KLHL32: variants seen among roughly 807,000 people sequenced by gnomAD.
KLHL32 encodes the protein kelch-like protein 32.
Under a neutral mutation model 64.8 loss-of-function variants are expected in KLHL32, and 35 were observed. The ratio of observed to expected loss-of-function variants is 0.54; its 90% CI spans 0.41 to 0.72. The LOEUF is 0.72. Ranked by LOEUF, KLHL32 falls within the 30% of genes least tolerant of loss-of-function variation. KLHL32 has a pLI of 0.00. For missense variants in KLHL32, 589 were observed against 768.5 expected (o/e 0.77, Z 2.76); for synonymous variants, 259 against 281.0 (o/e 0.92, Z 0.78).
At chr6:97,096,208 C>T (rs147495988) in intron 6 of KLHL32, among the ~76,000 whole-genome samples, 441 of 152,292 alleles carry the variant, frequency 2.9e-3, no homozygotes, top group African/African-American at 0.01. Flanking sequence ...ACCTTGGATT[C>T]TGAGCCAACA....
intron 6 of KLHL32, among the ~76,000 whole-genome samples, chr6:97,094,417 A>C (rs1252807022): frequency 1.3e-5 from 2 of 152,204 alleles, no homozygotes; most frequent in Non-Finnish European, 2.9e-5. Context: ...CTTCTGCTAC[A>C]AGGAAAAATA....
chr6:96,920,991 T>G (rs1161252883), upstream of KLHL32, among the ~76,000 whole-genome samples: 1 of 152,200 alleles, frequency 6.6e-6, no homozygotes, highest in Non-Finnish European at 1.5e-5. Context: ...TCCAAAATAT[T>G]TTTTTGACTT....
the KLHL32 span, among the ~76,000 whole-genome samples, chr6:96,916,557 A>G: frequency 6.6e-6 from 1 of 151,980 alleles, no homozygotes; most frequent in African/African-American, 2.4e-5. Flanking sequence ...GTAATTTATC[A>G]CCCTCTGTTA....
chr6:96,924,406 A>T (rs1477895210), upstream of KLHL32, among the ~76,000 whole-genome samples: 2 of 105,838 alleles, frequency 1.9e-5, no homozygotes, highest in Non-Finnish European at 3.7e-5. Context: ...AGCGAGGAGG[A>T]GGGCGGCGTG....
chr6:97,079,745 A>G (rs1792194242), intron 5 of KLHL32, among the ~76,000 whole-genome samples: 2 of 152,218 alleles, frequency 1.3e-5, no homozygotes, highest in Non-Finnish European at 1.5e-5. Context: ...GCCCTAAACC[A>G]AAGGAAAATA....
At chr6:96,992,283 C>T (rs1777970133) in intron 3 of KLHL32, among the ~76,000 whole-genome samples, 1 of 152,184 alleles carries the variant, frequency 6.6e-6, no homozygotes, top group Non-Finnish European at 1.5e-5. Flanking sequence ...CCCAGGGACT[C>T]TCACTGACTC....
At chr6:96,941,431 G>A (rs1001776647) in intron 1 of KLHL32, among the ~76,000 whole-genome samples, 1 of 152,126 alleles carries the variant, frequency 6.6e-6, no homozygotes, top group African/African-American at 2.4e-5. Flanking sequence ...TGAAAAACCT[G>A]TTGTTATTCC....
At chr6:97,019,812 C>T (rs1160559429) in intron 3 of KLHL32, among the ~76,000 whole-genome samples, 4 of 151,982 alleles carry the variant, frequency 2.6e-5, no homozygotes, top group Admixed American at 6.6e-5. Flanking sequence ...ACGGAGTCTC[C>T]CTCTGTCGCC....
At chr6:96,936,835 T>G (rs768355760) in intron 1 of KLHL32, among the ~76,000 whole-genome samples, 39 of 152,156 alleles carry the variant, frequency 2.6e-4, no homozygotes, top group Non-Finnish European at 4.4e-4. Context: ...TTAGAACTGG[T>G]GTCTCACAGT....
intron 3 of KLHL32, among the ~76,000 whole-genome samples, chr6:97,024,564 A>G (rs964831878): frequency 6.6e-6 from 1 of 152,216 alleles, no homozygotes. Context: ...AGAGCCTTCT[A>G]AAGAGCCATC....
chr6:97,090,114 G>A (rs1020809752), intron 6 of KLHL32, among the ~76,000 whole-genome samples: 1 of 152,136 alleles, frequency 6.6e-6, no homozygotes, highest in Non-Finnish European at 1.5e-5. Flanking sequence ...AGGCTGTGCT[G>A]TAGTGTTTGC....
intron 3 of KLHL32, among the ~76,000 whole-genome samples, chr6:97,032,231 A>G (rs1783665195): frequency 6.6e-6 from 1 of 152,260 alleles, no homozygotes; most frequent in South Asian, 2.1e-4. Flanking sequence ...GCAGTGATCC[A>G]AAAGATACTT....
intron 7 of KLHL32, among the ~76,000 whole-genome samples, chr6:97,126,646 G>A (rs1343795292): frequency 6.6e-6 from 1 of 152,016 alleles, no homozygotes; most frequent in South Asian, 2.1e-4. Context: ...GTGACTTATT[G>A]AATCCTTGAA....
rs1376304258 is a variant in KLHL32, at chr6:97,022,612, G to A, written c.205-18880G>A. ...AGCTTTCCAAGTAGCTGGGATTACA[G>A]GCGCCTGCCACCACACCTGGCTAAT... On this transcript the variant is annotated intron_variant, in intron 3 of 10. Coordinates refer to ENST00000369261, the MANE Select transcript of KLHL32 (RefSeq NM_052904.4). Among the ~76,000 whole-genome samples the A allele has an allele frequency of 2.7e-5, 4 of 150,252 alleles. 1 individual carries two copies. Among genetic ancestry groups the A allele is most frequent in the African/African-American group, 1.0e-4 (4 of 39,696 alleles).
At position 97,104,210 on chromosome 6, in the gene KLHL32, C is replaced by G. The variant is rs539366479; in HGVS notation, c.628-9573C>G. Among the ~76,000 whole-genome samples the G allele has an allele frequency of 5.9e-5, 9 of 152,300 alleles. No homozygotes were observed. The South Asian group carries it at 1.9e-3, about 32-fold the overall frequency. Reference sequence around the variant, plus strand: ...ATTGTTATAAGATTGAGCAAAGGGACAACTCAGGTCACTTTTCATGCACCC... The same window carrying G: ...ATTGTTATAAGATTGAGCAAAGGGAGAACTCAGGTCACTTTTCATGCACCC... On this transcript the variant is annotated intron_variant, in intron 6 of 10. Transcript: ENST00000369261.
the KLHL32 span, among the ~76,000 whole-genome samples, chr6:96,908,234 G>A: frequency 2.0e-5 from 3 of 152,162 alleles, no homozygotes; most frequent in Non-Finnish European, 4.4e-5. Context: ...TAAGTCAAAG[G>A]TTTCTTATGT....
intron 3 of KLHL32, among the ~76,000 whole-genome samples, chr6:97,023,713 G>C (rs1782324362): frequency 6.6e-6 from 1 of 152,214 alleles, no homozygotes; most frequent in Admixed American, 6.5e-5. Context: ...CTCAGATCCA[G>C]CTGGCCTAGT....
intron 3 of KLHL32, among the ~76,000 whole-genome samples, chr6:97,004,607 G>A (rs1779434857): frequency 6.6e-6 from 1 of 152,050 alleles, no homozygotes; most frequent in South Asian, 2.1e-4. Context: ...GTTTGCTGAG[G>A]GTTTGTTGTA....
intron 3 of KLHL32, among the ~76,000 whole-genome samples, chr6:96,986,266 G>C (rs997772722): frequency 1.3e-5 from 2 of 152,168 alleles, no homozygotes; most frequent in Non-Finnish European, 2.9e-5. Context: ...GCCGTGTGAG[G>C]TGTCAGTCTG....
Sources: gnomAD v4.1 joint callset for allele counts (sites outside exome capture counted in the v4.1 genomes callset) on GRCh38, gnomAD v4.1.1 for gene constraint, MANE v1.5 for transcripts, NCBI Gene and HGNC (gene_info 2026-07-23, HGNC 2026-07-21) for gene names.